ELF1: variants seen among roughly 807,000 people sequenced by gnomAD.
The protein encoded by ELF1 is E74 like ETS transcription factor 1.
Under a neutral mutation model 59.9 loss-of-function variants are expected in ELF1, and 24 were observed. The observed-to-expected ratio is 0.40, with a 90% CI of 0.29 to 0.56. The LOEUF (loss-of-function observed/expected upper bound fraction) is 0.56. Ranked by LOEUF, ELF1 falls within the 20% of genes least tolerant of loss-of-function variation. The pLI is 0.44. For missense variants in ELF1, 627 were observed against 742.2 expected, an observed-to-expected ratio of 0.84 and a Z score of 1.80; for synonymous variants, 248 against 266.2, an observed-to-expected ratio of 0.93 and a Z score of 0.67.
At chr13:40,934,515 T>C (rs1869636622) in intron 8 of ELF1, among the ~76,000 whole-genome samples, 1 of 146,814 alleles carries the variant, frequency 6.8e-6, no homozygotes, top group Non-Finnish European at 1.5e-5. Flanking sequence ...TTCTGCCTCC[T>C]GGGTTCAAGC....
intron 1 of ELF1, among the ~76,000 whole-genome samples, chr13:40,987,304 C>T (rs1446636777): frequency 9.5e-5 from 14 of 147,662 alleles, no homozygotes; most frequent in African/African-American, 3.5e-4. Context: ...ATAAATAGTC[C>T]GGTGCCGTGG....
intron 2 of ELF1, among the ~76,000 whole-genome samples, chr13:40,965,262 T>C (rs1165504631): frequency 6.6e-6 from 1 of 152,150 alleles, no homozygotes; most frequent in Admixed American, 6.5e-5. Flanking sequence ...TTCAGGAAGA[T>C]AGCAGATATT....
At chr13:41,009,703 C>T (rs1441816489) in intron 1 of ELF1, among the ~76,000 whole-genome samples, 1 of 151,904 alleles carries the variant, frequency 6.6e-6, no homozygotes, top group African/African-American at 2.4e-5. Context: ...GGCTAGGAGA[C>T]ACAAGTAAAT....
intron 1 of ELF1, among the ~76,000 whole-genome samples, chr13:41,046,422 C>T (rs1331190206): frequency 3.9e-5 from 6 of 152,164 alleles, no homozygotes; most frequent in Non-Finnish European, 2.9e-5. Context: ...GTGGCTGGTA[C>T]CAGTTGTTCC....
At chr13:40,969,878 A>T (rs199835795) in intron 2 of ELF1, among the ~76,000 whole-genome samples, 3 of 151,872 alleles carry the variant, frequency 2.0e-5, no homozygotes, top group African/African-American at 4.8e-5. Flanking sequence ...TAATTTTTAA[A>T]TTTTTTGTAG....
intron 1 of ELF1, among the ~76,000 whole-genome samples, chr13:41,012,832 A>G (rs1391235007): frequency 6.6e-6 from 1 of 152,070 alleles, no homozygotes; most frequent in African/African-American, 2.4e-5. Context: ...TGCTCAAATT[A>G]TAGGCATAAG....
chr13:41,001,437 G>C (rs974598374), intron 1 of ELF1, among the ~76,000 whole-genome samples: 3 of 152,126 alleles, frequency 2.0e-5, no homozygotes, highest in African/African-American at 7.2e-5. Context: ...TTTTTAAAAA[G>C]AGAACCACAT....
rs181054332 is a variant in ELF1, at chr13:41,016,756, A to T, written c.-229+2472T>A. On this transcript the variant is annotated intron_variant, in intron 1 of 8. Transcript: ENST00000239882. ...ATGGAGAAACCCTGTCTCTACTAAA[A>T]ATACAAAATTAGCTGGGCGTGGTGG... Among the ~76,000 whole-genome samples, 367 of 151,060 alleles carry T rather than the reference A, an allele frequency of 2.4e-3. 11 individuals carry two copies. The South Asian group carries it at 0.054, about 22-fold the overall frequency.
intron 3 of ELF1, among the ~76,000 whole-genome samples, chr13:40,951,927 C>T (rs1870881623): frequency 6.6e-6 from 1 of 151,582 alleles, no homozygotes; most frequent in Non-Finnish European, 1.5e-5. Context: ...ATTAAATAGC[C>T]AACCAGCATT....
In ELF1 at chr13:40,933,755, G is replaced by A; in HGVS notation, c.1530C>T (p.Ser510=). ...GPAQVQQVLT[S]NVQTICNGTV... ...TTCCATTGCAAATGGTCTGAACATT[G>A]CTAGTAAGGACCTGCTGAACCTGGG... Residue 510 remains serine (S), a synonymous_variant, in exon 9 of 9, where the codon AGC becomes AGT. Transcript: ENST00000239882. The A allele has an allele frequency of 6.2e-7, 1 of 1,614,274 alleles. No homozygotes were observed. The highest frequency in any genetic ancestry group is 8.5e-7 in the Non-Finnish European group (1 of 1,180,050).
chr13:40,985,738 C>T (rs1873517421), intron 1 of ELF1, among the ~76,000 whole-genome samples: 2 of 152,078 alleles, frequency 1.3e-5, no homozygotes, highest in South Asian at 4.1e-4. Context: ...AAAATATGGG[C>T]ACTCGGATTA....
At chr13:40,990,351 T>C (rs1452986130) in intron 1 of ELF1, among the ~76,000 whole-genome samples, 1 of 152,186 alleles carries the variant, frequency 6.6e-6, no homozygotes, top group Non-Finnish European at 1.5e-5. Context: ...CCCAGATAGT[T>C]CAAGGGAAAA....
intron 8 of ELF1, among the ~76,000 whole-genome samples, chr13:40,935,847 G>A (rs1869733045): frequency 6.6e-6 from 1 of 151,688 alleles, no homozygotes; most frequent in Non-Finnish European, 1.5e-5. Context: ...TAATTTTTTT[G>A]TATTTTTAGT....
chr13:41,038,828 C>A (rs569111176), intron 1 of ELF1, among the ~76,000 whole-genome samples: 1 of 151,482 alleles, frequency 6.6e-6, no homozygotes, highest in African/African-American at 2.4e-5. Context: ...CCAGCCTGGC[C>A]AACATGGTGA....
intron 1 of ELF1, among the ~76,000 whole-genome samples, chr13:41,035,838 A>G (rs1044692393): frequency 2.0e-5 from 3 of 148,180 alleles, no homozygotes; most frequent in African/African-American, 7.5e-5. Context: ...CTTCTTGTTA[A>G]AAAAAAAACA....
At position 40,941,252 on chromosome 13, in the gene ELF1, C is replaced by T. The variant is rs532698900; in HGVS notation, c.925G>A (p.Glu309Lys). 84 of 1,614,158 alleles carry T rather than the reference C, an allele frequency of 5.2e-5. 1 individual carries two copies. The South Asian group carries it at 8.8e-4, about 17-fold the overall frequency. Residue 309 changes from glutamate to lysine, a missense_variant, in exon 8 of 9, where the codon GAG becomes AAG. By Grantham distance (56) the Glu-to-Lys change is moderately conservative. This residue lies in a region of ELF1 where 361 missense variants were observed against 396.1 expected (regional missense o/e 0.91). Coordinates refer to ENST00000239882, the MANE Select transcript of ELF1 (RefSeq NM_172373.4). ...GAAGATAGCGATGGATCTGAAGACT[C>T]TATGCTGGAACTTGGATCCTCATCA... ...INDEDPSSSIESSDPSLSSSA... is the reference protein window; with the variant it reads ...INDEDPSSSIKSSDPSLSSSA...
intron 1 of ELF1, among the ~76,000 whole-genome samples, chr13:41,039,010 A>C (rs1876499008): frequency 6.9e-6 from 1 of 144,934 alleles, no homozygotes; most frequent in South Asian, 2.1e-4. Flanking sequence ...CTTTGTCAAA[A>C]AAAAAAAAAA....
intron 1 of ELF1, among the ~76,000 whole-genome samples, chr13:40,983,831 A>G (rs1398886799): frequency 2.0e-5 from 3 of 152,138 alleles, no homozygotes; most frequent in Non-Finnish European, 4.4e-5. Context: ...TCCTCCACAC[A>G]AACTATTCAG....
At chr13:40,970,036 GAAA>G (rs950801742) in intron 2 of ELF1, among the ~76,000 whole-genome samples, 1 of 150,616 alleles carries the variant, frequency 6.6e-6, no homozygotes, top group African/African-American at 2.4e-5. Context: ...CATTTTCAAA[GAAA>G]AAAAAATCTA....
Sources: allele counts gnomAD v4.1 joint callset (sites outside exome capture counted in the v4.1 genomes callset), GRCh38; gene constraint gnomAD v4.1.1; regional missense constraint gnomAD v4.1.1; transcripts MANE v1.5; gene names NCBI Gene and HGNC (gene_info 2026-07-23, HGNC 2026-07-21).